SYT3: variants seen among roughly 807,000 people sequenced by gnomAD.
SYT3 encodes synaptotagmin-3.
A neutral mutation model predicts 50.6 loss-of-function variants in SYT3; 25 were observed. The ratio of observed to expected loss-of-function variants is 0.49; its 90% CI spans 0.36 to 0.69. The LOEUF (loss-of-function observed/expected upper bound fraction) is 0.69. SYT3 is among the 30% of genes least tolerant of loss of function. The pLI, the probability that SYT3 is intolerant of heterozygous loss-of-function variation, is 0.00. For synonymous variants in SYT3, 323 were observed against 353.9 expected (o/e 0.91, Z 0.98); for missense variants, 589 against 793.6 (o/e 0.74, Z 3.10).
Position 50,625,986 on chromosome 19 carries a change from G to C in SYT3, c.1313C>G (p.Ser438Ter). ...EKADLGELNF[S>*]LCYLPTAGRL... ...CCCGGCCGTGGGGAGGTAGCAGAGTGAGAAGTTGAGCTCCCCAAGATCTGC... is the reference window on the plus strand; with the variant it reads ...CCCGGCCGTGGGGAGGTAGCAGAGTCAGAAGTTGAGCTCCCCAAGATCTGC... The change falls in exon 7 of 11, where the codon TCA (serine) becomes TGA (stop). Residue 438 changes from serine to a stop codon, truncating the protein, a stop_gained. Coordinates refer to ENST00000600079, the MANE Select transcript of SYT3 (RefSeq NM_001160329.2). LOFTEE classifies it high-confidence loss of function. The surrounding 1 kb of genome is among the most constrained non-coding windows in gnomAD (Gnocchi z 7.5). The C allele has an allele frequency of 6.2e-7, 1 of 1,614,098 alleles. No homozygotes were observed. Among genetic ancestry groups the C allele is most frequent in the Non-Finnish European group, 8.5e-7 (1 of 1,179,974 alleles).
chr19:50,641,255 C>T (rs1305049580), upstream of SYT3, among the ~76,000 whole-genome samples: 2 of 139,166 alleles, frequency 1.4e-5, no homozygotes, highest in African/African-American at 5.4e-5. Flanking sequence ...TCTGGGCTCA[C>T]TGAAAGCTCC....
chr19:50,623,816 A>C (rs763773189), intron 9 of SYT3, among the ~76,000 whole-genome samples: 16 of 151,792 alleles, frequency 1.1e-4, no homozygotes, highest in Non-Finnish European at 1.6e-4. Context: ...AATAACAATA[A>C]TAATAATAAT....
rs141136615 is a variant in SYT3 at position 50,628,240 on chromosome 19, G to A, written c.1281+1054C>T. Reference sequence around the variant, plus strand: ...CCACAAATTAGGTTGGAGCGGGGGCGCTGTAGAGTTGAGGATCTGAGATTT... The same window carrying A: ...CCACAAATTAGGTTGGAGCGGGGGCACTGTAGAGTTGAGGATCTGAGATTT... On this transcript the variant is annotated intron_variant, in intron 6 of 10. Coordinates refer to ENST00000600079, the MANE Select transcript of SYT3 (RefSeq NM_001160329.2). Among the ~76,000 whole-genome samples, 7 of 152,238 alleles carry A rather than the reference G, an allele frequency of 4.6e-5. No homozygotes were observed. In the East Asian group the frequency reaches 7.7e-4, roughly 17 times the overall value.
At chr19:50,642,086 C>T (rs929291006), upstream of SYT3, among the ~76,000 whole-genome samples, 1 of 152,146 alleles carries the variant, frequency 6.6e-6, no homozygotes, top group Non-Finnish European at 1.5e-5. Flanking sequence ...CCAGGTTTGC[C>T]GAGTCTCTTC....
At chr19:50,631,163 CTTTCTTTT>C (rs67622822) in intron 4 of SYT3, among the ~76,000 whole-genome samples, 93,124 of 142,132 alleles carry the variant, frequency 0.66, 31,278 homozygotes, top group African/African-American at 0.76. Context: ...TTTTTTCTTT[CTTTCTTTT>C]TTTTTTTTTT....
chr19:50,657,596 G>A, the SYT3 span, among the ~76,000 whole-genome samples: 1 of 152,200 alleles, frequency 6.6e-6, no homozygotes, highest in Non-Finnish European at 1.5e-5. Context: ...AAAAGGAAAG[G>A]TGTGTAACTT....
At chr19:50,646,226 G>A in the SYT3 span, among the ~76,000 whole-genome samples, 1 of 152,190 alleles carries the variant, frequency 6.6e-6, no homozygotes, top group Non-Finnish European at 1.5e-5. Flanking sequence ...AGCCCTTGAA[G>A]GTAGCATTGA....
Position 50,632,211 on chromosome 19 carries a change from A to G in SYT3, c.674+75T>C. On this transcript the variant is annotated intron_variant, in intron 4 of 10. Transcript: ENST00000600079. This position sits in a 1 kb window ranked among gnomAD's most constrained non-coding sequence, Gnocchi z 4.7. ...CCCCTCCAAATCCCGAACTCATAAG[A>G]GCTATAGATAGGAAAGAGACACAGA... 1.4e-6 allele frequency: 2 copies of G among 1,447,416 alleles called. No homozygotes were observed. Among genetic ancestry groups the G allele is most frequent in the Non-Finnish European group, 9.3e-7 (1 of 1,075,186 alleles). 89.7% of individuals were successfully genotyped at this position (1,447,416 alleles called of 1,614,324 possible).
At chr19:50,655,202 AG>A in the SYT3 span, among the ~76,000 whole-genome samples, 24 of 152,146 alleles carry the variant, frequency 1.6e-4, no homozygotes, top group African/African-American at 4.8e-4. Flanking sequence ...CTAGGATTGT[AG>A]GGGAAGGGGA....
the SYT3 span, among the ~76,000 whole-genome samples, chr19:50,648,993 G>C: frequency 6.6e-6 from 1 of 151,662 alleles, no homozygotes; most frequent in Non-Finnish European, 1.5e-5. Flanking sequence ...AAGGAGGGAC[G>C]GGGGCCTGGG....
At chr19:50,638,847 G>A (rs1568417939) in intron 2 of SYT3, among the ~76,000 whole-genome samples, 178 bp downstream of exon 2, 1 of 152,110 alleles carries the variant, frequency 6.6e-6, no homozygotes, top group Non-Finnish European at 1.5e-5. Context: ...GGCTAGGAAG[G>A]AGAGGTGGAT....
chr19:50,628,822 GTTC>G (rs1402370175), intron 6 of SYT3, among the ~76,000 whole-genome samples: 3 of 134,468 alleles, frequency 2.2e-5, no homozygotes, highest in African/African-American at 8.3e-5. Flanking sequence ...ATCATTATCT[GTTC>G]TTTTTTTTTT....
chr19:50,646,123 A>G, the SYT3 span, among the ~76,000 whole-genome samples: 6 of 152,128 alleles, frequency 3.9e-5, no homozygotes, highest in Admixed American at 3.9e-4. Flanking sequence ...GAGTCAGAGG[A>G]CTGGAAAGGA....
Position 50,625,490 on chromosome 19 carries a change from T to A in SYT3, c.1477A>T (p.Thr493Ser). 1 of 1,609,348 alleles carries A rather than the reference T, an allele frequency of 6.2e-7. No individual in the cohort carries two copies. Among genetic ancestry groups the A allele is most frequent in the Non-Finnish European group, 8.5e-7 (1 of 1,178,304 alleles). Residue 493 changes from threonine to serine, a missense_variant, in exon 8 of 11, where the codon ACG becomes TCG. This residue lies in a region of SYT3 where 273 missense variants were observed against 439.3 expected (regional missense o/e 0.62). Transcript: ENST00000600079. This position sits in a 1 kb window ranked among gnomAD's most constrained non-coding sequence, Gnocchi z 7.5. Reference sequence around the variant, plus strand: ...GCCTCATTATAGGTGGGGTTCAGCGTGTTCTTCTTGATGGAGGTTTTCCGC... The same window carrying A: ...GCCTCATTATAGGTGGGGTTCAGCGAGTTCTTCTTGATGGAGGTTTTCCGC... ...KKRKTSIKKN[T>S]LNPTYNEALV...
chr19:50,626,951 AAGAG>A (rs149199984), intron 6 of SYT3, among the ~76,000 whole-genome samples: 3 of 147,890 alleles, frequency 2.0e-5, no homozygotes, highest in Admixed American at 6.7e-5. Context: ...CACCAAGAGA[AAGAG>A]AGAGAGAGAG....
chr19:50,645,461 A>G, the SYT3 span, among the ~76,000 whole-genome samples: 1 of 152,188 alleles, frequency 6.6e-6, no homozygotes, highest in Non-Finnish European at 1.5e-5. Flanking sequence ...ATGGGGAAAT[A>G]GAGTGATGGA....
Position 50,633,556 on chromosome 19 carries a change from C to T in SYT3, c.149-745G>A, listed in dbSNP as rs535880873. 7.2e-5 allele frequency among the ~76,000 whole-genome samples: 11 copies of T among 152,294 alleles called. No individual in the cohort carries two copies. The South Asian group carries it at 1.9e-3, about 26-fold the overall frequency. The stretch of plus-strand genomic sequence containing the variant: ...GTTAGGCAGGGCAGGGTTTAAATCA[C>T]GCTTGCTGTGTGGCCTTGGGAACAT... On this transcript the variant is annotated intron_variant, in intron 3 of 10. Transcript: ENST00000600079.
chr19:50,641,621 G>A (rs749338332), upstream of SYT3, among the ~76,000 whole-genome samples: 15 of 151,796 alleles, frequency 9.9e-5, no homozygotes, highest in Non-Finnish European at 1.8e-4. Context: ...CCAAGTGGGC[G>A]GATCACTTGA....
At chr19:50,646,968 C>G in the SYT3 span, among the ~76,000 whole-genome samples, 2 of 152,010 alleles carry the variant, frequency 1.3e-5, no homozygotes, top group Non-Finnish European at 2.9e-5. Flanking sequence ...GTAGCTGGGA[C>G]TACAGGTGCC....
Sources: gnomAD v4.1 joint callset for allele counts (sites outside exome capture counted in the v4.1 genomes callset) on GRCh38, gnomAD v4.1.1 for gene constraint, gnomAD v4.1.1 regional missense constraint, Gnocchi (gnomAD v3.1) non-coding constraint, MANE v1.5 for transcripts, NCBI Gene and HGNC (gene_info 2026-07-23, HGNC 2026-07-21) for gene names.